The following AKAP8 variants were observed in gnomAD, a reference collection of about 807,000 sequenced individuals.
AKAP8 encodes the protein A-kinase anchoring protein 8.
AKAP8 carries 24 observed loss-of-function variants against 67.5 expected under a neutral mutation model. The ratio of observed to expected loss-of-function variants is 0.36; its 90% CI spans 0.26 to 0.50. The LOEUF is 0.50. AKAP8 is among the 20% of genes least tolerant of loss of function. The pLI, the probability that AKAP8 is intolerant of heterozygous loss-of-function variation, is 0.97. For missense variants in AKAP8, 971 were observed against 955.9 expected (o/e 1.02, Z -0.21); for synonymous variants, 400 against 371.1 (o/e 1.08, Z -0.90).
chr19:15,359,873 C>T (rs1966937042), intron 12 of AKAP8, among the ~76,000 whole-genome samples: 1 of 152,038 alleles, frequency 6.6e-6, no homozygotes, highest in Non-Finnish European at 1.5e-5. Context: ...GTGGCTCACA[C>T]CTGTAATCCC....
chr19:15,371,351 G>A (rs978171502), intron 7 of AKAP8, among the ~76,000 whole-genome samples: 4 of 152,178 alleles, frequency 2.6e-5, no homozygotes, highest in Admixed American at 6.5e-5. Context: ...AGCGGCACCC[G>A]GCACGGAGCT....
At chr19:15,378,023 T>G (rs1246214387) in intron 1 of AKAP8, among the ~76,000 whole-genome samples, 1 of 152,132 alleles carries the variant, frequency 6.6e-6, no homozygotes, top group Admixed American at 6.5e-5. Context: ...GGCAGGAACA[T>G]ATCCATGTCT....
At chr19:15,361,464 C>T in intron 11 of AKAP8, 1 of 357,182 alleles carries the variant, frequency 2.8e-6, no homozygotes. Context: ...CATTCTCCTG[C>T]CTCAGCCTCC....
chr19:15,360,711 C>T (rs549362656), intron 12 of AKAP8, 137 bp downstream of exon 12: 11 of 1,120,256 alleles, frequency 9.8e-6, no homozygotes, highest in African/African-American at 9.6e-5. Context: ...ACGAATCTTA[C>T]GACCCATCGA....
At chr19:15,379,532 C>A (rs1479782377) in intron 1 of AKAP8, 181 bp downstream of exon 1, 1 of 601,164 alleles carries the variant, frequency 1.7e-6, no homozygotes, top group South Asian at 2.7e-5. Context: ...CGCAGAGCCC[C>A]GGGAGCGACG....
At chr19:15,377,565 T>C (rs1967275049) in intron 1 of AKAP8, among the ~76,000 whole-genome samples, 1 of 152,162 alleles carries the variant, frequency 6.6e-6, no homozygotes, top group Non-Finnish European at 1.5e-5. Flanking sequence ...GCCTCCTGGG[T>C]TCACGCCATT....
rs1424573797 is a variant in AKAP8, at chr19:15,372,471, A to G, written c.862-124T>C. The G allele has an allele frequency of 6.0e-6, 8 of 1,336,358 alleles. No individual in the cohort carries two copies. In the East Asian group the frequency reaches 1.8e-4, roughly 29 times the overall value. 82.8% of individuals were successfully genotyped at this position (1,336,358 alleles called of 1,614,324 possible). A position where few individuals can be genotyped will look rare whatever the true frequency, so the allele number is the denominator to read the frequency against. ...CAAAAGGTCTTTTCAAAAAGCAAAG[A>G]GACAACATAATTTGAAACTAAAAAG... On this transcript the variant is annotated intron_variant, in intron 5 of 13. Coordinates refer to ENST00000269701, the MANE Select transcript of AKAP8 (RefSeq NM_005858.4).
chr19:15,377,450 T>C (rs940179609), intron 1 of AKAP8, among the ~76,000 whole-genome samples: 5 of 152,244 alleles, frequency 3.3e-5, no homozygotes, highest in Non-Finnish European at 2.9e-5. Context: ...AAATTGCATC[T>C]TTCTAAGCTG....
intron 12 of AKAP8, among the ~76,000 whole-genome samples, chr19:15,359,517 C>T (rs1470065178): frequency 2.6e-5 from 4 of 151,902 alleles, no homozygotes; most frequent in Non-Finnish European, 5.9e-5. Context: ...GCCAGGAGTT[C>T]GAGACAAGCC....
At chr19:15,364,118 A>AAAAAAAG (rs1276034311) in intron 9 of AKAP8, among the ~76,000 whole-genome samples, 29 of 144,500 alleles carry the variant, frequency 2.0e-4, no homozygotes, top group African/African-American at 7.0e-4. Context: ...CAAAAAAAAA[A>AAAAAAAG]AAAAAAAGAA....
chr19:15,359,718 T>A (rs960696441), intron 12 of AKAP8, among the ~76,000 whole-genome samples: 1 of 150,280 alleles, frequency 6.7e-6, no homozygotes, highest in East Asian at 2.0e-4. Context: ...AAAAATAAAA[T>A]TAAAAACAAA....
In AKAP8 at chr19:15,379,749, C is replaced by A. The variant is rs1232268677; in HGVS notation, c.-18G>T. ...TGGTCCATGTCTTCGACGCGGCCCA[C>A]CAGCAGCCCCGTTTACTAGGCGACC... is the stretch of plus-strand genomic sequence containing the variant. On this transcript the variant is annotated 5_prime_UTR_variant, in exon 1 of 14. Coordinates refer to ENST00000269701, the MANE Select transcript of AKAP8 (RefSeq NM_005858.4). The A allele has an allele frequency of 5.6e-6, 9 of 1,610,832 alleles. No homozygotes were observed. The South Asian group carries it at 7.7e-5, about 14-fold the overall frequency.
rs748913936 is a variant in AKAP8 at position 15,370,164 on chromosome 19, C to T, written c.1054G>A (p.Asp352Asn). ...TGCCTACCTCTTTGCCTCCCAGAGT[C>T]GCAGAGTTCATCCTCCTGGAAAAGA... The part of the protein sequence containing the change: ...EEFKGEDELC[D>N]SGRQRGEKED... Residue 352 changes from aspartate (D) to asparagine (N), a missense_variant, in exon 8 of 14, where the codon GAC becomes AAC. Coordinates refer to ENST00000269701, the MANE Select transcript of AKAP8 (RefSeq NM_005858.4). 56 of 1,613,984 alleles carry T rather than the reference C, an allele frequency of 3.5e-5. 2 individuals carry two copies. The South Asian group carries it at 5.7e-4, about 16-fold the overall frequency.
At chr19:15,355,887 C>A (rs2048275002) in intron 13 of AKAP8, among the ~76,000 whole-genome samples, 1 of 152,030 alleles carries the variant, frequency 6.6e-6, no homozygotes, top group Admixed American at 6.6e-5. Context: ...CAGGCAGGAG[C>A]CACCACGCCC....
chr19:15,367,869 G>A (rs1290754768), intron 9 of AKAP8, among the ~76,000 whole-genome samples: 4 of 152,246 alleles, frequency 2.6e-5, no homozygotes, highest in African/African-American at 4.8e-5. Context: ...TGCCCCTCAG[G>A]CCTGCAGGAG....
chr19:15,362,011 T>G, intron 10 of AKAP8, 99 bp downstream of exon 10: 1 of 1,516,784 alleles, frequency 6.6e-7, no homozygotes. Flanking sequence ...AAAGGAAACC[T>G]TGGCCAAGTA....
intron 13 of AKAP8, among the ~76,000 whole-genome samples, chr19:15,357,904 AC>A (rs1966906015): frequency 6.6e-6 from 1 of 150,770 alleles, no homozygotes; most frequent in Non-Finnish European, 1.5e-5. Flanking sequence ...CTGGTCTTGA[AC>A]TCCTGAACTC....
intron 13 of AKAP8, among the ~76,000 whole-genome samples, chr19:15,357,776 C>T (rs986600744): frequency 6.8e-6 from 1 of 146,484 alleles, no homozygotes; most frequent in Non-Finnish European, 1.5e-5. Flanking sequence ...TGCAGTGGCA[C>T]GATCTTGGCT....
Position 15,372,955 on chromosome 19 carries a change from C to A in AKAP8, c.757G>T (p.Ala253Ser), listed in dbSNP as rs1243066328. The A allele has an allele frequency of 6.4e-7, 1 of 1,553,714 alleles. No individual in the cohort carries two copies. The highest frequency in any genetic ancestry group is 8.7e-7 in the Non-Finnish European group (1 of 1,150,242). The change falls in exon 5 of 14, where the codon GCT becomes TCT. Residue 253 changes from alanine to serine, a missense_variant. Ala to Ser is a moderately conservative substitution (Grantham distance 99). Around this residue, in one of 3 missense-constraint regions of AKAP8, gnomAD observed 763 missense variants for 745.4 expected, o/e 1.02. Transcript: ENST00000269701. ...PPPSLFSQSM[A>S]PDYGVMGMQG... ...ATGCCCATCACGCCGTAGTCGGGAG[C>A]CATGGACTGGGAGAAGAGGGACGGA...
Sources: gnomAD v4.1 joint callset for allele counts (sites outside exome capture counted in the v4.1 genomes callset) on GRCh38, gnomAD v4.1.1 for gene constraint, gnomAD v4.1.1 regional missense constraint, MANE v1.5 for transcripts, NCBI Gene and HGNC (gene_info 2026-07-23, HGNC 2026-07-21) for gene names.